CHAF1A: variants seen among roughly 807,000 people sequenced by gnomAD.
The protein encoded by CHAF1A is chromatin assembly factor 1 subunit A.
Under a neutral mutation model 93.2 loss-of-function variants are expected in CHAF1A, and 5 were observed. That is an observed-to-expected ratio of 0.05 (90% CI 0.03 to 0.11). The LOEUF is 0.11. Ranked by LOEUF, CHAF1A falls within the 10% of genes least tolerant of loss-of-function variation. The pLI is 1.00. For synonymous variants in CHAF1A, 504 were observed against 510.3 expected, an observed-to-expected ratio of 0.99 and a Z score of 0.17; for missense variants, 1,102 against 1,259.9, an observed-to-expected ratio of 0.87 and a Z score of 1.90.
chr19:4,415,027 A>G (rs1973873996), intron 3 of CHAF1A, among the ~76,000 whole-genome samples: 1 of 152,148 alleles, frequency 6.6e-6, no homozygotes. Context: ...TTTCATGCCC[A>G]CACATAGTGA....
chr19:4,430,931 A>C (rs1188453552), intron 11 of CHAF1A: 1 of 422,032 alleles, frequency 2.4e-6, no homozygotes, highest in Non-Finnish European at 4.4e-6. Flanking sequence ...AAACCACCCG[A>C]GCTGACATAC....
chr19:4,402,719 C>G lies in CHAF1A; in HGVS notation c.-44C>G. 1 of 1,177,030 alleles carries G rather than the reference C, an allele frequency of 8.5e-7. No individual in the cohort carries two copies. Among genetic ancestry groups the G allele is most frequent in the Non-Finnish European group, 1.1e-6 (1 of 947,264 alleles). 72.9% of individuals were successfully genotyped at this position (1,177,030 alleles called of 1,614,324 possible). ...GAGCAGCGGCCGCCTGAGGGGAGCC[C>G]GCGCCTCCGCCGCCTGAGAGGAGGT... On this transcript the variant is annotated 5_prime_UTR_variant, in exon 1 of 15. Transcript: ENST00000301280.
intron 11 of CHAF1A, chr19:4,430,934 T>TGACATACAGTCAGCATGCAGCAA (rs1974171317): frequency 2.4e-6 from 1 of 408,768 alleles, no homozygotes. Context: ...CCACCCGAGC[T>TGACATACAGTCAGCATGCAGCAA]GACATACAGT....
chr19:4,429,914 T>TGC, intron 10 of CHAF1A, 126 bp downstream of exon 10: 1 of 820,660 alleles, frequency 1.2e-6, no homozygotes, highest in Non-Finnish European at 2.0e-6. Flanking sequence ...TGACCTGCTG[T>TGC]GTGGTCTGAA....
At position 4,433,038 on chromosome 19, in the gene CHAF1A, G is replaced by A. The variant is rs781239542; in HGVS notation, c.2204-32G>A. 2 of 1,487,950 alleles carry A rather than the reference G, an allele frequency of 1.3e-6. No individual in the cohort carries two copies. Among genetic ancestry groups the A allele is most frequent in the East Asian group, 4.9e-5 (2 of 40,556 alleles). The allele number at this position is 1,487,950 out of a possible 1,614,324, so 92.2% of individuals were successfully genotyped here. ...CCTGTGGTGATGGGTGGCTCCCCAA[G>A]CCTCATGCCCACCCATGTTCCCTCC... is the stretch of plus-strand genomic sequence containing the variant. On this transcript the variant is annotated intron_variant, in intron 12 of 14. Transcript: ENST00000301280. The surrounding 1 kb of genome is among the most constrained non-coding windows in gnomAD (Gnocchi z 5.6).
At chr19:4,441,771 G>A (rs1343680077) in intron 13 of CHAF1A, among the ~76,000 whole-genome samples, 7 of 151,296 alleles carry the variant, frequency 4.6e-5, no homozygotes, top group African/African-American at 9.7e-5. Context: ...GGTGTCAGGC[G>A]CCTGTAGTCC....
chr19:4,429,679 T>G, intron 9 of CHAF1A, 29 bp from the exon 10 acceptor site: 1 of 1,613,902 alleles, frequency 6.2e-7, no homozygotes, highest in Non-Finnish European at 8.5e-7. Context: ...CCAAAGACAG[T>G]TGTGAGTCCC....
intron 4 of CHAF1A, among the ~76,000 whole-genome samples, chr19:4,420,133 C>G (rs1973964983): frequency 1.3e-5 from 2 of 152,188 alleles, no homozygotes; most frequent in African/African-American, 4.8e-5. Context: ...TATCCTAACC[C>G]AAACTGAAAG....
intron 13 of CHAF1A, among the ~76,000 whole-genome samples, chr19:4,436,861 G>A (rs541865587): frequency 9.9e-5 from 15 of 152,254 alleles, no homozygotes; most frequent in Middle Eastern, 3.4e-3. Flanking sequence ...TTCCCCACCC[G>A]GAAAATAGCG....
chr19:4,425,101 T>C (rs1397892394), intron 7 of CHAF1A, among the ~76,000 whole-genome samples: 1 of 152,164 alleles, frequency 6.6e-6, no homozygotes, highest in African/African-American at 2.4e-5. Flanking sequence ...TGTTGAGACA[T>C]TTGATGGCAA....
At chr19:4,450,221 C>CAAAAA in the CHAF1A span, 1 of 49,198 alleles carries the variant, frequency 2.0e-5, no homozygotes, top group African/African-American at 6.5e-5. Context: ...GACTCTGTCT[C>CAAAAA]AAAAAAAAAA....
downstream of CHAF1A, chr19:4,443,405 T>C (rs557574902): frequency 4.7e-6 from 1 of 212,422 alleles, no homozygotes; most frequent in African/African-American, 2.3e-5. Flanking sequence ...TGAGCTGCTC[T>C]GTCTGTCTTT....
intron 5 of CHAF1A, 93 bp from the exon 6 acceptor site, chr19:4,423,242 T>G: frequency 6.4e-7 from 1 of 1,554,416 alleles, no homozygotes; most frequent in Non-Finnish European, 8.7e-7. Context: ...TAATGTAAAA[T>G]GAAATACTTG....
intron 4 of CHAF1A, among the ~76,000 whole-genome samples, chr19:4,420,245 G>C (rs931783049): frequency 8.1e-5 from 12 of 147,374 alleles, no homozygotes; most frequent in Admixed American, 2.0e-4. Flanking sequence ...GCAGGTGAGC[G>C]TTTTTTTTTT....
intron 13 of CHAF1A, among the ~76,000 whole-genome samples, chr19:4,438,973 T>A (rs1027139402): frequency 7.0e-6 from 1 of 142,642 alleles, no homozygotes; most frequent in Non-Finnish European, 1.5e-5. Flanking sequence ...CAGAGCGGGA[T>A]TCTGTCTCAA....
At chr19:4,415,844 G>C (rs1973887785) in intron 3 of CHAF1A, among the ~76,000 whole-genome samples, 1 of 152,134 alleles carries the variant, frequency 6.6e-6, no homozygotes. Flanking sequence ...TATTCTGTGA[G>C]AGGTCCTAGT....
At position 4,433,558 on chromosome 19, in the gene CHAF1A, G is replaced by A. The variant is rs1366126267; in HGVS notation, c.2673+19G>A. ...CGGCCAGGTGAGGTGGGGTGGGCAG[G>A]TGGGGGCCTCTGCAGGGCTTTTCTT... On this transcript the variant is annotated intron_variant, in intron 13 of 14. Coordinates refer to ENST00000301280, the MANE Select transcript of CHAF1A (RefSeq NM_005483.3). The surrounding 1 kb of genome is among the most constrained non-coding windows in gnomAD (Gnocchi z 5.6). The A allele has an allele frequency of 1.5e-5, 23 of 1,532,402 alleles. No homozygotes were observed. The highest frequency in any genetic ancestry group is 2.0e-5 in the Non-Finnish European group (23 of 1,131,796). The allele number at this position is 1,532,402 out of a possible 1,614,324, so 94.9% of individuals were successfully genotyped here.
At chr19:4,448,413 G>A (rs1446549227), downstream of CHAF1A, 9 of 1,605,220 alleles carry the variant, frequency 5.6e-6, no homozygotes, top group Admixed American at 1.0e-4. Flanking sequence ...CGGTGGAGAA[G>A]TGCTGGGAGG....
chr19:4,421,109 A>C (rs1033272135), intron 4 of CHAF1A, among the ~76,000 whole-genome samples: 1 of 152,138 alleles, frequency 6.6e-6, no homozygotes, highest in Non-Finnish European at 1.5e-5. Flanking sequence ...TTTCAGACAG[A>C]GTCTTGCTCT....
Sources: allele counts gnomAD v4.1 joint callset (sites outside exome capture counted in the v4.1 genomes callset), GRCh38; gene constraint gnomAD v4.1.1; non-coding constraint Gnocchi (gnomAD v3.1); transcripts MANE v1.5; gene names NCBI Gene and HGNC (gene_info 2026-07-23, HGNC 2026-07-21).